Variants in FAM219A observed in about 807,000 individuals in gnomAD.
The protein encoded by FAM219A is family with sequence similarity 219 member A.
A neutral mutation model predicts 23.4 loss-of-function variants in FAM219A; 7 were observed. The ratio of observed to expected loss-of-function variants is 0.30; its 90% CI spans 0.17 to 0.56. The LOEUF is 0.56. FAM219A is among the 20% of genes least tolerant of loss of function. FAM219A has a pLI of 0.92. For synonymous variants in FAM219A, 93 were observed against 99.0 expected (o/e 0.94, Z 0.36); for missense variants, 166 against 246.9 (o/e 0.67, Z 2.20).
chr9:34,431,061 G>T (rs994700918), intron 1 of FAM219A, among the ~76,000 whole-genome samples: 13 of 152,176 alleles, frequency 8.5e-5, no homozygotes, highest in African/African-American at 3.1e-4. Context: ...GATAGCAACT[G>T]CTTGCTTGGA....
chr9:34,420,788 G>A (rs1822239745), intron 1 of FAM219A, among the ~76,000 whole-genome samples: 1 of 151,800 alleles, frequency 6.6e-6, no homozygotes, highest in Non-Finnish European at 1.5e-5. Flanking sequence ...ACGAGTCTGG[G>A]CAACAAAGTG....
At position 34,457,629 on chromosome 9, in the gene FAM219A, C is replaced by G. The variant is rs1184635254; in HGVS notation, c.60+575G>C. On this transcript the variant is annotated intron_variant, in intron 1 of 5. Transcript: ENST00000651358. The surrounding 1 kb of genome is among the most constrained non-coding windows in gnomAD (Gnocchi z 5.1). ...CCGGTTTAGATGCCCCCAGCCTGGT[C>G]TGCCTGCGCTCCCCACCGGAGAACG... Among the ~76,000 whole-genome samples, 1 of 152,170 alleles carries G rather than the reference C, an allele frequency of 6.6e-6. No individual in the cohort carries two copies. Among genetic ancestry groups the G allele is most frequent in the East Asian group, 1.9e-4 (1 of 5,178 alleles).
intron 1 of FAM219A, among the ~76,000 whole-genome samples, chr9:34,451,505 T>C (rs1195207910): frequency 6.6e-6 from 1 of 152,168 alleles, no homozygotes; most frequent in Non-Finnish European, 1.5e-5. Context: ...ACGAAGCAGC[T>C]AAGCCCAAGA....
At chr9:34,402,612 G>T (rs1821488534) in intron 3 of FAM219A, 93 bp downstream of exon 3, 2 of 1,551,010 alleles carry the variant, frequency 1.3e-6, no homozygotes, top group African/African-American at 2.7e-5. Context: ...GAGAGGAGCT[G>T]GGCCTGAGGA....
In FAM219A at chr9:34,434,828, C is replaced by CT. The variant is rs869206213; in HGVS notation, c.60+23375dup. ...TGTTGATGGTTTTCTTTCTTTCTTT[C>CT]TTTTTTTTTGAGACAGAGTCTCACT... On this transcript the variant is annotated intron_variant, in intron 1 of 5. Coordinates refer to ENST00000651358, the MANE Select transcript of FAM219A (RefSeq NM_001184940.2). Among the ~76,000 whole-genome samples, 49 of 130,432 alleles carry CT rather than the reference C, an allele frequency of 3.8e-4. No individual in the cohort carries two copies. In the East Asian group the frequency reaches 0.01, roughly 27 times the overall value. The allele number at this position is 130,432 out of a possible 152,430, so 85.6% of individuals were successfully genotyped here.
intron 1 of FAM219A, among the ~76,000 whole-genome samples, chr9:34,420,973 CGTGT>C (rs533243353): frequency 4.5e-5 from 6 of 133,290 alleles, no homozygotes; most frequent in African/African-American, 1.2e-4. Flanking sequence ...GAGTGAAACT[CGTGT>C]GTGTGTGTGT....
chr9:34,453,842 G>A (rs151214849), intron 1 of FAM219A, among the ~76,000 whole-genome samples: 12 of 152,302 alleles, frequency 7.9e-5, no homozygotes, highest in African/African-American at 2.9e-4. Flanking sequence ...TAGACTGTGC[G>A]GCTGCACCAA....
At chr9:34,405,333 A>G (rs923860870) in intron 2 of FAM219A, among the ~76,000 whole-genome samples, 2 of 152,202 alleles carry the variant, frequency 1.3e-5, no homozygotes, top group Non-Finnish European at 2.9e-5. Context: ...CAAAGCCACA[A>G]GGGAAATGTG....
At chr9:34,446,498 C>T (rs1257875498) in intron 1 of FAM219A, among the ~76,000 whole-genome samples, 1 of 152,174 alleles carries the variant, frequency 6.6e-6, no homozygotes, top group African/African-American at 2.4e-5. Context: ...TTCCTAGCAC[C>T]TACTTTGGAA....
chr9:34,435,483 CA>C (rs1822870141), intron 1 of FAM219A, among the ~76,000 whole-genome samples: 1 of 152,030 alleles, frequency 6.6e-6, no homozygotes, highest in Non-Finnish European at 1.5e-5. Flanking sequence ...AATTCAAATG[CA>C]AAAAGGTGAA....
intron 1 of FAM219A, among the ~76,000 whole-genome samples, chr9:34,409,466 C>A (rs969072974): frequency 6.6e-6 from 1 of 152,152 alleles, no homozygotes; most frequent in African/African-American, 2.4e-5. Context: ...TAGCTAGATC[C>A]GGGAACTAGA....
At chr9:34,452,214 C>G (rs192570758) in intron 1 of FAM219A, among the ~76,000 whole-genome samples, 3 of 152,200 alleles carry the variant, frequency 2.0e-5, no homozygotes, top group African/African-American at 7.2e-5. Flanking sequence ...TCTCAGCAGC[C>G]CTTTTGAGGC....
In FAM219A at chr9:34,405,846, AC is replaced by A. The variant is rs1036320929; in HGVS notation, c.160+18del. 6 of 1,610,434 alleles carry A rather than the reference AC, an allele frequency of 3.7e-6. No homozygotes were observed. Among genetic ancestry groups the A allele is most frequent in the South Asian group, 1.1e-5 (1 of 90,852 alleles). ...CTTGCCTACTCCCCACATCTCCCTC[AC>A]CCCCCAGACACACTCACCCAGCTTC... On this transcript the variant is annotated intron_variant, in intron 2 of 5. Coordinates refer to ENST00000651358, the MANE Select transcript of FAM219A (RefSeq NM_001184940.2).
At chr9:34,455,444 C>T (rs1823694977) in intron 1 of FAM219A, among the ~76,000 whole-genome samples, 1 of 151,412 alleles carries the variant, frequency 6.6e-6, no homozygotes. Flanking sequence ...TTGCCCTTTA[C>T]CTCTATGATA....
chr9:34,456,871 A>T (rs1325431224), intron 1 of FAM219A, among the ~76,000 whole-genome samples: 2 of 152,172 alleles, frequency 1.3e-5, no homozygotes, highest in Non-Finnish European at 2.9e-5. Flanking sequence ...AGTGGCCACT[A>T]ATGATTCTCT....
intron 1 of FAM219A, among the ~76,000 whole-genome samples, chr9:34,434,163 C>A (rs867412070): frequency 7.4e-6 from 1 of 134,748 alleles, no homozygotes; most frequent in Admixed American, 8.4e-5. Context: ...GATCGCGCCA[C>A]TGCACTCCAG....
chr9:34,404,623 G>A (rs776246539), intron 2 of FAM219A, among the ~76,000 whole-genome samples: 8 of 152,080 alleles, frequency 5.3e-5, no homozygotes, highest in South Asian at 4.1e-4. Context: ...CAGGAGAATC[G>A]CTTGAACCAG....
At chr9:34,445,346 C>T (rs1823329601) in intron 1 of FAM219A, among the ~76,000 whole-genome samples, 1 of 152,182 alleles carries the variant, frequency 6.6e-6, no homozygotes, top group South Asian at 2.1e-4. Context: ...AAAGTGGACA[C>T]CCTAAACCAG....
chr9:34,438,446 G>C (rs572129963), intron 1 of FAM219A, among the ~76,000 whole-genome samples: 1 of 152,344 alleles, frequency 6.6e-6, no homozygotes, highest in African/African-American at 2.4e-5. Flanking sequence ...TTTATGTCTA[G>C]CTCAGGGATT....
Sources: gnomAD v4.1 joint callset for allele counts (sites outside exome capture counted in the v4.1 genomes callset) on GRCh38, gnomAD v4.1.1 for gene constraint, Gnocchi (gnomAD v3.1) non-coding constraint, MANE v1.5 for transcripts, NCBI Gene and HGNC (gene_info 2026-07-23, HGNC 2026-07-21) for gene names.